The following NINL variants were observed in gnomAD, a reference collection of about 807,000 sequenced individuals.
NINL encodes ninein like.
Under a neutral mutation model 160.3 loss-of-function variants are expected in NINL, and 153 were observed. That is an observed-to-expected ratio of 0.95 (90% CI 0.84 to 1.09). The LOEUF (loss-of-function observed/expected upper bound fraction) is 1.09, where lower values mean the gene tolerates loss of function less well. Among genes scored for constraint, NINL ranks in the 50% least tolerant of loss-of-function variants. The pLI, the probability that NINL is intolerant of heterozygous loss-of-function variation, is 0.00. For missense variants in NINL, 1,829 were observed against 1,764.0 expected (o/e 1.04, Z -0.66); for synonymous variants, 800 against 734.8 (o/e 1.09, Z -1.43).
Position 25,453,473 on chromosome 20 carries a change from G to C in NINL, c.4127C>G (p.Ala1376Gly), listed in dbSNP as rs760971731. ...TCTTTACACAGAGAGGGCTGCGGGG[G>C]CAATCCTACTGACGAGTTTGTTGAG... Reference protein sequence around the residue: ...RALNKLVSRIAPAALSV With the variant: ...RALNKLVSRIGPAALSV Residue 1376 changes from alanine to glycine, a missense_variant, in exon 24 of 24, where the codon GCC becomes GGC. By Grantham distance (60) the Ala-to-Gly change is moderately conservative (BLOSUM62 0). Transcript: ENST00000278886. 1 of 1,611,418 alleles carries C rather than the reference G, an allele frequency of 6.2e-7. No individual in the cohort carries two copies. Among genetic ancestry groups the C allele is most frequent in the Non-Finnish European group, 8.5e-7 (1 of 1,178,922 alleles).
At chr20:25,485,882 T>C (rs1365552081) in intron 13 of NINL, among the ~76,000 whole-genome samples, 1 of 152,252 alleles carries the variant, frequency 6.6e-6, no homozygotes, top group Non-Finnish European at 1.5e-5. Context: ...TTAACATCCT[T>C]GACTCTGAAA....
intron 1 of NINL, among the ~76,000 whole-genome samples, chr20:25,532,587 C>T (rs73597813): frequency 0.095 from 14,520 of 152,294 alleles, 1,139 homozygotes; most frequent in African/African-American, 0.21. Context: ...GGCTGAGTTA[C>T]TGAGCATTCA....
At chr20:25,485,306 G>A (rs1402150223) in intron 13 of NINL, among the ~76,000 whole-genome samples, 1 of 152,120 alleles carries the variant, frequency 6.6e-6, no homozygotes, top group East Asian at 1.9e-4. Flanking sequence ...AAAAGCCCTC[G>A]CTTGTGGCTT....
intron 10 of NINL, among the ~76,000 whole-genome samples, chr20:25,496,315 G>A (rs1008112147): frequency 6.6e-6 from 1 of 152,204 alleles, no homozygotes; most frequent in African/African-American, 2.4e-5. Flanking sequence ...ACCATTGCCA[G>A]TCCTTGCAAC....
At chr20:25,490,087 G>A (rs1308058688) in intron 11 of NINL, 102 bp from the exon 12 acceptor site, 2 of 1,073,918 alleles carry the variant, frequency 1.9e-6, no homozygotes, top group African/African-American at 1.6e-5. Flanking sequence ...TGGGCATCAG[G>A]AAAGAACCCC....
intron 1 of NINL, among the ~76,000 whole-genome samples, chr20:25,548,905 G>C (rs1188468888): frequency 1.9e-3 from 214 of 111,134 alleles, no homozygotes; most frequent in Middle Eastern, 0.015. Flanking sequence ...CTCACCCAAG[G>C]CTGACCCCAG....
intron 3 of NINL, among the ~76,000 whole-genome samples, chr20:25,514,701 CA>C (rs2064131828): frequency 1.3e-5 from 2 of 152,336 alleles, no homozygotes; most frequent in South Asian, 4.1e-4. Flanking sequence ...GGAGATAGAG[CA>C]CCGCTGCCCT....
intron 1 of NINL, among the ~76,000 whole-genome samples, chr20:25,562,915 C>T (rs1409032668): frequency 6.6e-6 from 1 of 152,186 alleles, no homozygotes; most frequent in African/African-American, 2.4e-5. Flanking sequence ...CACCTGTAAT[C>T]CCAGCACTTT....
chr20:25,531,343 C>T (rs75078456), intron 1 of NINL, among the ~76,000 whole-genome samples: 1 of 151,972 alleles, frequency 6.6e-6, no homozygotes, highest in Non-Finnish European at 1.5e-5. Flanking sequence ...GGTCCTGAGG[C>T]GACATACACC....
At chr20:25,574,463 A>C (rs1320201346) in intron 1 of NINL, among the ~76,000 whole-genome samples, 2 of 152,182 alleles carry the variant, frequency 1.3e-5, no homozygotes, top group East Asian at 3.8e-4. Context: ...GTACACAGTG[A>C]CACATGGCTA....
intron 2 of NINL, among the ~76,000 whole-genome samples, chr20:25,520,172 C>A (rs1234087617): frequency 6.6e-6 from 1 of 152,024 alleles, no homozygotes; most frequent in African/African-American, 2.4e-5. Flanking sequence ...GTGATGGTTA[C>A]ACAGGTGCGC....
At chr20:25,553,059 C>T (rs1358344315) in intron 1 of NINL, among the ~76,000 whole-genome samples, 1 of 151,162 alleles carries the variant, frequency 6.6e-6, no homozygotes, top group Non-Finnish European at 1.5e-5. Flanking sequence ...TGGCCCTCCA[C>T]TTCAGACCCC....
intron 5 of NINL, chr20:25,509,752 T>C: frequency 2.2e-6 from 1 of 456,666 alleles, no homozygotes; most frequent in Non-Finnish European, 4.4e-6. Context: ...GTTTTCACAT[T>C]GTTTGCATAG....
chr20:25,493,252 T>TA (rs2063677521), intron 10 of NINL, among the ~76,000 whole-genome samples: 2 of 152,160 alleles, frequency 1.3e-5, no homozygotes, highest in East Asian at 3.9e-4. Context: ...CACTCTTGTC[T>TA]AGGGGCCCTG....
chr20:25,526,679 G>C (rs746512471), intron 1 of NINL, 81 bp from the exon 2 acceptor site: 35 of 1,414,564 alleles, frequency 2.5e-5, no homozygotes, highest in Non-Finnish European at 3.3e-5. Flanking sequence ...GGTGAGCACC[G>C]AGCTACATGG....
intron 15 of NINL, among the ~76,000 whole-genome samples, chr20:25,479,497 G>C (rs1247322041): frequency 6.6e-6 from 1 of 152,220 alleles, no homozygotes; most frequent in Non-Finnish European, 1.5e-5. Flanking sequence ...GGGACGCAGA[G>C]GGTGGAATCT....
intron 1 of NINL, among the ~76,000 whole-genome samples, chr20:25,541,428 G>T (rs1237793803): frequency 6.6e-6 from 1 of 152,162 alleles, no homozygotes; most frequent in Non-Finnish European, 1.5e-5. Flanking sequence ...TCTACAAGCT[G>T]GGTGGGCATT....
At chr20:25,489,832 A>C in intron 12 of NINL, 43 bp downstream of exon 12, 1 of 1,526,696 alleles carries the variant, frequency 6.6e-7, no homozygotes, top group Non-Finnish European at 9.1e-7. Flanking sequence ...TCTGCCCAGC[A>C]GGCCCTCCCC....
intron 5 of NINL, 131 bp downstream of exon 5, chr20:25,510,543 G>T: frequency 1.2e-6 from 1 of 826,638 alleles, no homozygotes; most frequent in Non-Finnish European, 2.1e-6. Flanking sequence ...GAATCCAGCG[G>T]GACACAACCC....
Sources: gnomAD v4.1 joint callset for allele counts (sites outside exome capture counted in the v4.1 genomes callset) on GRCh38, gnomAD v4.1.1 for gene constraint, MANE v1.5 for transcripts, NCBI Gene and HGNC (gene_info 2026-07-23, HGNC 2026-07-21) for gene names.